The following HHAT variants were observed in gnomAD, a reference collection of about 807,000 sequenced individuals.
The protein encoded by HHAT is protein-cysteine N-palmitoyltransferase HHAT.
Under a neutral mutation model 70.8 loss-of-function variants are expected in HHAT, and 47 were observed. The ratio of observed to expected loss-of-function variants is 0.66; its 90% CI spans 0.53 to 0.85. HHAT has a LOEUF of 0.85. HHAT is among the 40% of genes least tolerant of loss of function. The pLI is 0.00. For missense variants in HHAT, 609 were observed against 604.8 expected (o/e 1.01, Z -0.07); for synonymous variants, 228 against 247.6 (o/e 0.92, Z 0.74).
At chr1:210,426,928 T>G (rs1281463980) in intron 7 of HHAT, among the ~76,000 whole-genome samples, 1 of 152,200 alleles carries the variant, frequency 6.6e-6, no homozygotes, top group African/African-American at 2.4e-5. Flanking sequence ...AGCTCTTTTT[T>G]GTACATCTGG....
intron 9 of HHAT, among the ~76,000 whole-genome samples, chr1:210,587,306 A>G (rs1009499966): frequency 2.0e-5 from 3 of 152,182 alleles, no homozygotes; most frequent in East Asian, 1.9e-4. Context: ...CACATCTTAC[A>G]TGGCGCCAGG....
intron 6 of HHAT, among the ~76,000 whole-genome samples, chr1:210,407,344 A>G (rs563615182): frequency 6.6e-6 from 1 of 152,374 alleles, no homozygotes; most frequent in South Asian, 2.1e-4. Flanking sequence ...CATGGTTCTT[A>G]GACTGGCAGG....
chr1:210,556,234 G>C (rs1248767506), intron 9 of HHAT, among the ~76,000 whole-genome samples: 1 of 132,522 alleles, frequency 7.5e-6, no homozygotes, highest in Non-Finnish European at 1.7e-5. Flanking sequence ...GACCTCTGGA[G>C]AGAGTTTTCC....
In HHAT at chr1:210,675,218, A is replaced by G. The variant is rs1047067493; in HGVS notation, c.*839A>G. On this transcript the variant is annotated 3_prime_UTR_variant, in exon 12 of 12. Coordinates refer to ENST00000261458, the MANE Select transcript of HHAT (RefSeq NM_018194.6). The stretch of plus-strand genomic sequence containing the variant: ...GTCCACCCTCTCCATACAAGTCTCA[A>G]AAGTCATCCTCCTACTCAGTGATTC... 6.6e-6 allele frequency: 1 copy of G among 152,254 alleles called. No individual in the cohort carries two copies. The highest frequency in any genetic ancestry group is 6.5e-5 in the Admixed American group (1 of 15,282). The allele number at this position is 152,254 out of a possible 1,614,324, so 9.4% of individuals were successfully genotyped here.
rs780907560 is a variant in HHAT, at chr1:210,587,971, G to A, written c.1117G>A (p.Ala373Thr). ...ACTGTTTTCCACGGCGATGACATTT[G>A]CATTTGTGAGCTACTGGCATGGCGG... ...GTLFSTAMTF[A>T]FVSYWHGGYD... Residue 373 changes from alanine (A) to threonine (T), a missense_variant, in exon 10 of 12, where the codon GCA becomes ACA. Transcript: ENST00000261458. 1.2e-5 allele frequency: 20 copies of A among 1,614,030 alleles called. No homozygotes were observed. In the Admixed American group the frequency reaches 3.0e-4, roughly 24 times the overall value.
intron 4 of HHAT, among the ~76,000 whole-genome samples, chr1:210,397,570 T>G (rs1366058988): frequency 6.9e-6 from 1 of 144,480 alleles, no homozygotes; most frequent in Admixed American, 6.9e-5. Context: ...TTTTTTTTTT[T>G]GAAAAGTTAA....
At position 210,440,359 on chromosome 1, in the gene HHAT, G is replaced by A. The variant is rs73073791; in HGVS notation, c.856+22034G>A. 1.5e-3 allele frequency among the ~76,000 whole-genome samples: 223 copies of A among 151,790 alleles called. 5 individuals carry two copies. Among genetic ancestry groups the A allele is most frequent in the African/African-American group, 5.3e-3 (219 of 41,116 alleles). On this transcript the variant is annotated intron_variant, in intron 7 of 11. Transcript: ENST00000261458. The stretch of plus-strand genomic sequence containing the variant: ...TGGAAGCTCCAGTCGATTCTGTAGG[G>A]AGTTCTGCAGGTTGGGTAATTCTTT...
chr1:210,479,155 T>A (rs1443733207), intron 8 of HHAT, among the ~76,000 whole-genome samples: 1 of 152,222 alleles, frequency 6.6e-6, no homozygotes, highest in Admixed American at 6.5e-5. Context: ...TAACTTCATA[T>A]TTGATTCTTG....
chr1:210,607,912 T>C (rs1665832112), intron 10 of HHAT, among the ~76,000 whole-genome samples: 1 of 152,190 alleles, frequency 6.6e-6, no homozygotes, highest in Admixed American at 6.5e-5. Context: ...TCGAATGTAG[T>C]CTCCCATACC....
chr1:210,347,383 G>A (rs953241049), intron 1 of HHAT, among the ~76,000 whole-genome samples: 1 of 152,194 alleles, frequency 6.6e-6, no homozygotes, highest in East Asian at 1.9e-4. Context: ...GAGATAATGT[G>A]TGAATTCTGG....
intron 9 of HHAT, among the ~76,000 whole-genome samples, chr1:210,529,328 A>C (rs2095288179): frequency 6.6e-6 from 1 of 152,048 alleles, no homozygotes; most frequent in Admixed American, 6.6e-5. Context: ...GAAAAAAAAA[A>C]AAAAAGAAAA....
chr1:210,391,367 CAG>C (rs149121759), intron 4 of HHAT, among the ~76,000 whole-genome samples: 206 of 152,094 alleles, frequency 1.4e-3, no homozygotes, highest in East Asian at 5.6e-3. Context: ...TTGGCACAGA[CAG>C]AGATTTTTTT....
At chr1:210,633,893 C>T (rs947459286) in intron 11 of HHAT, among the ~76,000 whole-genome samples, 2 of 152,186 alleles carry the variant, frequency 1.3e-5, no homozygotes, top group Non-Finnish European at 2.9e-5. Flanking sequence ...TGTAGCGTGC[C>T]AGCTGCTGAC....
chr1:210,533,555 A>T (rs2095337531), intron 9 of HHAT, among the ~76,000 whole-genome samples: 1 of 152,224 alleles, frequency 6.6e-6, no homozygotes, highest in Non-Finnish European at 1.5e-5. Context: ...ACTCACAGAC[A>T]ACCTGCAGCT....
intron 10 of HHAT, among the ~76,000 whole-genome samples, chr1:210,614,105 T>C (rs1667169332): frequency 6.6e-6 from 1 of 152,116 alleles, no homozygotes; most frequent in South Asian, 2.1e-4. Context: ...CATTGTTTTG[T>C]AGTTTCATTA....
chr1:210,499,565 C>T (rs2094714742), intron 8 of HHAT, among the ~76,000 whole-genome samples: 1 of 152,040 alleles, frequency 6.6e-6, no homozygotes, highest in Non-Finnish European at 1.5e-5. Flanking sequence ...ATCCTTGGAA[C>T]CCAGGAGTTG....
At chr1:210,541,588 G>A (rs2095431270) in intron 9 of HHAT, among the ~76,000 whole-genome samples, 1 of 152,172 alleles carries the variant, frequency 6.6e-6, no homozygotes, top group African/African-American at 2.4e-5. Context: ...TTAGCTGGGT[G>A]TGGTGGCGCG....
chr1:210,639,683 T>C (rs542509124), intron 11 of HHAT, among the ~76,000 whole-genome samples: 56 of 152,232 alleles, frequency 3.7e-4, no homozygotes, highest in Non-Finnish European at 6.0e-4. Flanking sequence ...GCCTGGTAGC[T>C]GCATTCCCCA....
At position 210,675,425 on chromosome 1, in the gene HHAT, C is replaced by T. The variant is rs1680948900; in HGVS notation, c.*1046C>T. 5 of 151,518 alleles carry T rather than the reference C, an allele frequency of 3.3e-5. No individual in the cohort carries two copies. The highest frequency in any genetic ancestry group is 2.0e-4 in the Admixed American group (3 of 15,216). 9.4% of individuals were successfully genotyped at this position (151,518 alleles called of 1,614,324 possible). On this transcript the variant is annotated 3_prime_UTR_variant, in exon 12 of 12. Transcript: ENST00000261458. ...AGATGCTGGATAGGCTACCAAAGTT[C>T]CCAAGTGGTAGATAATTCAGAAGAC...
Sources: allele counts gnomAD v4.1 joint callset (sites outside exome capture counted in the v4.1 genomes callset), GRCh38; gene constraint gnomAD v4.1.1; transcripts MANE v1.5; gene names NCBI Gene and HGNC (gene_info 2026-07-23, HGNC 2026-07-21).